The following ROBO2 variants were observed in gnomAD, a reference collection of about 807,000 sequenced individuals.
ROBO2 encodes roundabout guidance receptor 2.
In ROBO2, 53 loss-of-function variants were observed where a neutral mutation model predicts 160.8. The ratio of observed to expected loss-of-function variants is 0.33; its 90% CI spans 0.26 to 0.41. ROBO2 has a LOEUF of 0.41. Ranked by LOEUF, ROBO2 falls within the 10% of genes least tolerant of loss-of-function variation. The pLI, the probability that ROBO2 is intolerant of heterozygous loss-of-function variation, is 1.00. For missense variants in ROBO2, 1,577 were observed against 1,722.4 expected, an observed-to-expected ratio of 0.92 and a Z score of 1.49; for synonymous variants, 664 against 611.7, an observed-to-expected ratio of 1.09 and a Z score of -1.26.
chr3:77,592,564 T>C (rs2153685894), intron 17 of ROBO2, among the ~76,000 whole-genome samples: 1 of 152,260 alleles, frequency 6.6e-6, no homozygotes, highest in Middle Eastern at 3.4e-3. Context: ...TATAATTTTT[T>C]CTTTTGAGAG....
intron 2 of ROBO2, among the ~76,000 whole-genome samples, chr3:76,169,760 A>T (rs1306415645): frequency 1.3e-5 from 2 of 151,954 alleles, no homozygotes; most frequent in Non-Finnish European, 2.9e-5. Context: ...CTCTTACCAG[A>T]TTAGATAGTT....
intron 2 of ROBO2, among the ~76,000 whole-genome samples, chr3:76,296,353 G>A (rs924453578): frequency 2.0e-4 from 31 of 152,210 alleles, no homozygotes; most frequent in African/African-American, 7.0e-4. Flanking sequence ...GACACAAAAT[G>A]TGTGGTTGTT....
chr3:77,231,799 C>T (rs1367602265), intron 2 of ROBO2, among the ~76,000 whole-genome samples: 1 of 152,120 alleles, frequency 6.6e-6, no homozygotes, highest in African/African-American at 2.4e-5. Flanking sequence ...TGTCTCCACT[C>T]ACAATCTTTG....
At chr3:77,130,222 C>T (rs2075726657) in intron 2 of ROBO2, among the ~76,000 whole-genome samples, 1 of 152,110 alleles carries the variant, frequency 6.6e-6, no homozygotes, top group Non-Finnish European at 1.5e-5. Context: ...TCCTCATCTT[C>T]AAGCCTCTCG....
chr3:76,225,718 A>T (rs1046775548), intron 2 of ROBO2, among the ~76,000 whole-genome samples: 2 of 152,128 alleles, frequency 1.3e-5, no homozygotes, highest in African/African-American at 4.8e-5. Flanking sequence ...TGTCTCCAAA[A>T]ATAGAACAAT....
intron 21 of ROBO2, among the ~76,000 whole-genome samples, chr3:77,614,171 A>G (rs2094714104): frequency 6.6e-6 from 1 of 152,226 alleles, no homozygotes; most frequent in South Asian, 2.1e-4. Context: ...TGATATTTTC[A>G]TAGATGAATT....
At chr3:77,479,617 C>A (rs2084441842) in intron 3 of ROBO2, among the ~76,000 whole-genome samples, 1 of 152,054 alleles carries the variant, frequency 6.6e-6, no homozygotes, top group African/African-American at 2.4e-5. Context: ...TCTACATTAC[C>A]AAAGAGAGTT....
At chr3:77,355,923 CCAAA>C (rs572763375) in intron 2 of ROBO2, among the ~76,000 whole-genome samples, 1,649 of 127,816 alleles carry the variant, frequency 0.013, 16 homozygotes, top group Middle Eastern at 0.02. Flanking sequence ...GACAGATAAT[CCAAA>C]AAAAAAAAAA....
At chr3:77,164,301 C>T (rs1041132293) in intron 2 of ROBO2, among the ~76,000 whole-genome samples, 6 of 152,226 alleles carry the variant, frequency 3.9e-5, no homozygotes, top group African/African-American at 1.4e-4. Context: ...ATTACTTTAG[C>T]ATTAGTGACA....
intron 2 of ROBO2, among the ~76,000 whole-genome samples, chr3:76,590,585 A>G (rs753745548): frequency 1.3e-5 from 2 of 152,148 alleles, no homozygotes; most frequent in Non-Finnish European, 2.9e-5. Context: ...TATGTAACCA[A>G]AGGATATAAA....
intron 2 of ROBO2, among the ~76,000 whole-genome samples, chr3:76,739,519 T>A (rs1439751376): frequency 1.3e-5 from 2 of 151,028 alleles, no homozygotes; most frequent in East Asian, 3.9e-4. Flanking sequence ...TTAGGAGATA[T>A]ACCTAATGCT....
intron 2 of ROBO2, among the ~76,000 whole-genome samples, chr3:77,386,907 A>T (rs575858186): frequency 6.6e-6 from 1 of 151,878 alleles, no homozygotes; most frequent in East Asian, 2.0e-4. Context: ...CCAGCCGATA[A>T]TTTTTTTATA....
At chr3:76,050,507 C>T (rs1424140260) in intron 2 of ROBO2, among the ~76,000 whole-genome samples, 2 of 152,132 alleles carry the variant, frequency 1.3e-5, no homozygotes, top group African/African-American at 4.8e-5. Flanking sequence ...AATAAACTCC[C>T]TTTCATGTAT....
intron 21 of ROBO2, among the ~76,000 whole-genome samples, chr3:77,613,913 G>C (rs2094707153): frequency 6.6e-6 from 1 of 152,166 alleles, no homozygotes; most frequent in South Asian, 2.1e-4. Context: ...ATGGGATTTA[G>C]CCTGCATCTT....
At chr3:76,217,097 G>A (rs898606034) in intron 2 of ROBO2, among the ~76,000 whole-genome samples, 1 of 152,200 alleles carries the variant, frequency 6.6e-6, no homozygotes, top group African/African-American at 2.4e-5. Flanking sequence ...AAATAAAGGT[G>A]TTCTTTGAAA....
At chr3:76,961,161 G>A in intron 2 of ROBO2, among the ~76,000 whole-genome samples, 1 of 149,132 alleles carries the variant, frequency 6.7e-6, no homozygotes. Flanking sequence ...TCTGCCATAA[G>A]GTTTGTTGAA....
chr3:76,080,172 T>C lies in ROBO2; in HGVS notation c.109+142570T>C, dbSNP rs186285537. Among the ~76,000 whole-genome samples, 171 of 152,324 alleles carry C rather than the reference T, an allele frequency of 1.1e-3. 1 individual carries two copies. The highest frequency in any genetic ancestry group is 3.8e-3 in the African/African-American group (159 of 41,576). The stretch of plus-strand genomic sequence containing the variant: ...GACCAGTAATTCTAATCAGAGCTTA[T>C]AAGCCTCGGCCAGGATGCTGACGAA... On this transcript the variant is annotated intron_variant, in intron 2 of 26. Coordinates refer to the ROBO2 transcript ENST00000487694.
chr3:77,119,725 T>C (rs2074557351), intron 2 of ROBO2, among the ~76,000 whole-genome samples: 1 of 152,162 alleles, frequency 6.6e-6, no homozygotes, highest in Admixed American at 6.5e-5. Flanking sequence ...TTTAATGCTG[T>C]GTGAGTTTTT....
chr3:77,285,792 A>G (rs1232493325), intron 2 of ROBO2, among the ~76,000 whole-genome samples: 1 of 152,228 alleles, frequency 6.6e-6, no homozygotes, highest in Non-Finnish European at 1.5e-5. Context: ...AAAAATAAAC[A>G]AATGAACAAA....
Sources: gnomAD v4.1 joint callset for allele counts (sites outside exome capture counted in the v4.1 genomes callset) on GRCh38, gnomAD v4.1.1 for gene constraint, MANE v1.5 for transcripts, NCBI Gene and HGNC (gene_info 2026-07-23, HGNC 2026-07-21) for gene names.